TMEM25: variants seen among roughly 807,000 people sequenced by gnomAD.
TMEM25 encodes transmembrane protein 25, also known as 0610039J01Rik.
TMEM25 carries 36 observed loss-of-function variants against 37.0 expected under a neutral mutation model. The ratio of observed to expected loss-of-function variants is 0.97; its 90% CI spans 0.75 to 1.28. The LOEUF (loss-of-function observed/expected upper bound fraction) is 1.28. TMEM25 is among the 50% of genes most tolerant of loss of function. The pLI is 0.00. For missense variants in TMEM25, 444 were observed against 477.9 expected (o/e 0.93, Z 0.66); for synonymous variants, 197 against 203.7 (o/e 0.97, Z 0.28).
At chr11:118,538,352 AGAGAT>A (rs1951537438), downstream of TMEM25, among the ~76,000 whole-genome samples, 1 of 151,866 alleles carries the variant, frequency 6.6e-6, no homozygotes, top group African/African-American at 2.4e-5. Flanking sequence ...TATTTTTACT[AGAGAT>A]GAGGTTTCAC....
downstream of TMEM25, among the ~76,000 whole-genome samples, chr11:118,536,951 T>G (rs1951518001): frequency 6.6e-6 from 1 of 152,172 alleles, no homozygotes; most frequent in Non-Finnish European, 1.5e-5. Context: ...CATAGCTCAC[T>G]GCAGCCTTGA....
intron 1 of TMEM25, chr11:118,531,468 A>G: frequency 7.9e-6 from 4 of 503,766 alleles, no homozygotes; most frequent in South Asian, 5.2e-5. Context: ...TATGTGTGTG[A>G]GTGTGCGTGT....
intron 4 of TMEM25, 43 bp from the exon 5 acceptor site, chr11:118,533,377 G>T: frequency 6.2e-7 from 1 of 1,610,762 alleles, no homozygotes; most frequent in South Asian, 1.1e-5. Flanking sequence ...GTTGGGGCTG[G>T]GGCACTACCC....
At chr11:118,541,279 A>G (rs947139103) in intron 8 of TMEM25, among the ~76,000 whole-genome samples, 3 of 151,936 alleles carry the variant, frequency 2.0e-5, no homozygotes, top group Non-Finnish European at 4.4e-5. Context: ...TGGCCAACAC[A>G]GTGAAACCCC....
rs782573665 is a variant in TMEM25, at chr11:118,534,484, C to T, written c.1028-23C>T. On this transcript the variant is annotated intron_variant, in intron 8 of 8. Transcript: ENST00000313236. The surrounding 1 kb of genome is among the most constrained non-coding windows in gnomAD (Gnocchi z 4.6). Reference sequence around the variant, plus strand: ...CAAGGAACAAGCGTTACTGAGTCCCCGCGGGCTTCTTTGATCCCGCAGGTT... The same window carrying T: ...CAAGGAACAAGCGTTACTGAGTCCCTGCGGGCTTCTTTGATCCCGCAGGTT... The T allele has an allele frequency of 1.5e-5, 24 of 1,613,820 alleles. No individual in the cohort carries two copies. Among genetic ancestry groups the T allele is most frequent in the Non-Finnish European group, 1.8e-5 (21 of 1,179,986 alleles).
downstream of TMEM25, among the ~76,000 whole-genome samples, chr11:118,538,625 G>T (rs1247897036): frequency 2.6e-5 from 4 of 151,926 alleles, 1 homozygote; most frequent in Non-Finnish European, 5.9e-5. Context: ...AGGCATGGTG[G>T]TTCACACCTG....
At position 118,531,793 on chromosome 11, in the gene TMEM25, C is replaced by A. The variant is rs1486757966; in HGVS notation, c.-9C>A. The A allele has an allele frequency of 6.5e-7, 1 of 1,549,918 alleles. No individual in the cohort carries two copies. The highest frequency in any genetic ancestry group is 1.4e-5 in the African/African-American group (1 of 73,038). ...CTCTCAGCAGCCTAGGGCCTAGGCCCGGGCCACCATGGCGCTGCCTCCAGG... is the reference window on the plus strand; with the variant it reads ...CTCTCAGCAGCCTAGGGCCTAGGCCAGGGCCACCATGGCGCTGCCTCCAGG... On this transcript the variant is annotated 5_prime_UTR_variant, in exon 2 of 9. Coordinates refer to ENST00000313236, the MANE Select transcript of TMEM25 (RefSeq NM_032780.4).
At chr11:118,545,154 G>T in intron 8 of TMEM25, 1 of 717,766 alleles carries the variant, frequency 1.4e-6, no homozygotes, top group Non-Finnish European at 2.4e-6. Flanking sequence ...GAAAGAACGA[G>T]TGTCCTCTGT....
intron 8 of TMEM25, chr11:118,545,924 G>A: frequency 1.5e-6 from 2 of 1,308,418 alleles, no homozygotes; most frequent in Non-Finnish European, 2.2e-6. Flanking sequence ...CTCTCTCTCT[G>A]AAGCAAAAGA....
downstream of TMEM25, among the ~76,000 whole-genome samples, chr11:118,539,137 G>T (rs1438489885): frequency 1.4e-5 from 2 of 147,822 alleles, no homozygotes; most frequent in Non-Finnish European, 3.0e-5. Context: ...TGTTTTTGTT[G>T]CTGTGCGTTT....
In TMEM25 at chr11:118,543,277, G is replaced by A. The variant is rs1951604925; in HGVS notation, c.1028-2842G>A. On this transcript the variant is annotated intron_variant, in intron 8 of 8. Transcript: ENST00000354284. ...CATGATGATCATAGTTAAAGGGTTT[G>A]TAAGAAACAGTTCCTCTCCTACCCA... Among the ~76,000 whole-genome samples the A allele has an allele frequency of 2.0e-5, 3 of 152,212 alleles. No homozygotes were observed. The South Asian group carries it at 6.2e-4, about 32-fold the overall frequency.
At chr11:118,531,346 C>T (rs948007084) in intron 1 of TMEM25, 112 bp downstream of exon 1, 82 of 329,332 alleles carry the variant, frequency 2.5e-4, no homozygotes, top group African/African-American at 1.7e-3. Context: ...GGAAAGGGGG[C>T]GTAGGGCGAG....
rs568063024 is a variant in TMEM25 at position 118,534,438 on chromosome 11, C to G, written c.1028-69C>G. On this transcript the variant is annotated intron_variant, in intron 8 of 8. Coordinates refer to ENST00000313236, the MANE Select transcript of TMEM25 (RefSeq NM_032780.4). The surrounding 1 kb of genome is among the most constrained non-coding windows in gnomAD (Gnocchi z 4.6). ...CAGAGGCCTCCAAGTGCCCAGGAGG[C>G]AGAGAGAGCTCTCCAAATTCCAAGG... The G allele has an allele frequency of 3.2e-4, 515 of 1,610,456 alleles. 1 individual carries two copies. Among genetic ancestry groups the G allele is most frequent in the Non-Finnish European group, 7.4e-5 (87 of 1,178,080 alleles).
In TMEM25 at chr11:118,535,276, C is replaced by T. The variant is rs1428250137; in HGVS notation, c.*696C>T. ...AGACTTTTCTATTGGCCTGTGCCAT[C>T]GCCCAGTATTAGCACAAGTTAGGGA... On this transcript the variant is annotated 3_prime_UTR_variant, in exon 9 of 9. Transcript: ENST00000313236. 7.2e-6 allele frequency: 9 copies of T among 1,245,606 alleles called. No homozygotes were observed. The highest frequency in any genetic ancestry group is 5.8e-5 in the South Asian group (2 of 34,488). 77.2% of individuals were successfully genotyped at this position (1,245,606 alleles called of 1,614,324 possible).
At chr11:118,540,803 C>T (rs1254464366), downstream of TMEM25, among the ~76,000 whole-genome samples, 1 of 152,136 alleles carries the variant, frequency 6.6e-6, no homozygotes, top group Non-Finnish European at 1.5e-5. Flanking sequence ...TAGCAGATTA[C>T]AACATGAAAG....
downstream of TMEM25, among the ~76,000 whole-genome samples, chr11:118,539,270 C>T (rs1452737212): frequency 6.1e-5 from 9 of 147,026 alleles, no homozygotes; most frequent in South Asian, 6.5e-4. Context: ...CGGGTTCAAG[C>T]GATTCTCCTG....
At chr11:118,547,247 A>C (rs2135472656), downstream of TMEM25, 1 of 152,330 alleles carries the variant, frequency 6.6e-6, no homozygotes, top group African/African-American at 2.4e-5. Context: ...TTTAGTAGGG[A>C]AGAACAAAAT....
chr11:118,543,311 T>C (rs1362198202), intron 8 of TMEM25, among the ~76,000 whole-genome samples: 1 of 152,142 alleles, frequency 6.6e-6, no homozygotes, highest in Non-Finnish European at 1.5e-5. Context: ...CATGTGTTTA[T>C]TGTGTATCTA....
Position 118,534,615 on chromosome 11 carries a change from TG to T in TMEM25, c.*37del. On this transcript the variant is annotated 3_prime_UTR_variant, in exon 9 of 9. Coordinates refer to ENST00000313236, the MANE Select transcript of TMEM25 (RefSeq NM_032780.4). This position sits in a 1 kb window ranked among gnomAD's most constrained non-coding sequence, Gnocchi z 4.6. ...GAGACAGGAGTATTCTCTTGGCCTC[TG>T]GACACCCTCCCGTTCCTCCAAGGCA... 1 of 1,611,424 alleles carries T rather than the reference TG, an allele frequency of 6.2e-7. No individual in the cohort carries two copies.
Sources: allele counts gnomAD v4.1 joint callset (sites outside exome capture counted in the v4.1 genomes callset), GRCh38; gene constraint gnomAD v4.1.1; non-coding constraint Gnocchi (gnomAD v3.1); transcripts MANE v1.5; gene names NCBI Gene and HGNC (gene_info 2026-07-23, HGNC 2026-07-21).